The following TNNI3K variants were observed in gnomAD, a reference collection of about 807,000 sequenced individuals.
TNNI3K encodes the protein serine/threonine-protein kinase TNNI3K.
A neutral mutation model predicts 114.5 loss-of-function variants in TNNI3K; 140 were observed. The ratio of observed to expected loss-of-function variants is 1.22; its 90% CI spans 1.07 to 1.41. The LOEUF (loss-of-function observed/expected upper bound fraction) is 1.41, where lower values mean the gene tolerates loss of function less well. Among genes scored for constraint, TNNI3K ranks in the 40% most tolerant of loss-of-function variants. TNNI3K has a pLI of 0.00. For synonymous variants in TNNI3K, 347 were observed against 347.5 expected, an observed-to-expected ratio of 1.00 and a Z score of 0.02; for missense variants, 1,125 against 1,007.6, an observed-to-expected ratio of 1.12 and a Z score of -1.58.
chr1:74,444,489 C>G (rs1345337879), intron 20 of TNNI3K, among the ~76,000 whole-genome samples: 1 of 151,866 alleles, frequency 6.6e-6, no homozygotes, highest in Non-Finnish European at 1.5e-5. Context: ...AGTGAAGGAC[C>G]TCTTCAAGGA....
chr1:74,502,444 T>C (rs1669680510), intron 23 of TNNI3K, among the ~76,000 whole-genome samples: 1 of 152,324 alleles, frequency 6.6e-6, no homozygotes, highest in East Asian at 1.9e-4. Flanking sequence ...CATATAACTA[T>C]TTAGTAGAAA....
At chr1:74,435,944 AT>A in intron 17 of TNNI3K, 135 bp from the exon 18 acceptor site, 1 of 1,126,008 alleles carries the variant, frequency 8.9e-7, no homozygotes, top group South Asian at 2.0e-5. Flanking sequence ...AAAAATTTTG[AT>A]TTAGCCCTTT....
intron 5 of TNNI3K, among the ~76,000 whole-genome samples, chr1:74,301,548 G>C (rs1658332817): frequency 6.6e-6 from 1 of 152,076 alleles, no homozygotes; most frequent in Non-Finnish European, 1.5e-5. Flanking sequence ...CAACTTTATA[G>C]ATTAGTCACA....
intron 2 of TNNI3K, among the ~76,000 whole-genome samples, chr1:74,241,980 G>C (rs1331912750): frequency 6.6e-6 from 1 of 151,554 alleles, no homozygotes; most frequent in East Asian, 1.9e-4. Flanking sequence ...CTCCCAAGTA[G>C]CTGGGACTAC....
intron 5 of TNNI3K, among the ~76,000 whole-genome samples, chr1:74,281,928 TGCA>T (rs1657039456): frequency 6.6e-6 from 1 of 152,164 alleles, no homozygotes; most frequent in Non-Finnish European, 1.5e-5. Context: ...TTTTCCTAAT[TGCA>T]GTGGTTGATA....
chr1:74,429,843 T>C (rs2100651641), intron 17 of TNNI3K, among the ~76,000 whole-genome samples: 1 of 152,222 alleles, frequency 6.6e-6, no homozygotes, highest in South Asian at 2.1e-4. Context: ...TCTTTAATCA[T>C]GTGAGTTAAT....
intron 5 of TNNI3K, among the ~76,000 whole-genome samples, chr1:74,305,302 A>G (rs922261339): frequency 2.6e-5 from 4 of 152,168 alleles, no homozygotes; most frequent in Non-Finnish European, 5.9e-5. Context: ...GACTCATTTG[A>G]AGCTGACTCA....
intron 24 of TNNI3K, among the ~76,000 whole-genome samples, chr1:74,543,399 T>C (rs1646750941): frequency 6.6e-6 from 1 of 152,302 alleles, no homozygotes; most frequent in South Asian, 2.1e-4. Flanking sequence ...CCTTCCTTTT[T>C]ATAGCCATCT....
intron 4 of TNNI3K, among the ~76,000 whole-genome samples, chr1:74,270,082 C>T (rs1355189787): frequency 2.0e-5 from 3 of 151,762 alleles, no homozygotes; most frequent in East Asian, 1.9e-4. Context: ...TGGTGAGGTC[C>T]TTAATGCCTC....
At chr1:74,484,417 T>C (rs1668651726) in intron 21 of TNNI3K, among the ~76,000 whole-genome samples, 1 of 152,174 alleles carries the variant, frequency 6.6e-6, no homozygotes, top group Non-Finnish European at 1.5e-5. Flanking sequence ...CCTGCCCTTG[T>C]GAAGTGTACT....
chr1:74,375,338 G>C, intron 17 of TNNI3K: 1 of 203,226 alleles, frequency 4.9e-6, no homozygotes, highest in South Asian at 7.1e-5. Flanking sequence ...AAATAACTTT[G>C]GGAGGAACTT....
chr1:74,270,225 T>G (rs1170846874), intron 4 of TNNI3K, among the ~76,000 whole-genome samples: 2 of 151,726 alleles, frequency 1.3e-5, no homozygotes, highest in South Asian at 4.1e-4. Context: ...TGAACTCATT[T>G]GAGATTTATG....
intron 6 of TNNI3K, among the ~76,000 whole-genome samples, chr1:74,332,976 A>AAAAAAAAAAAAAAAAAAAAAAAGAG (rs57556485): frequency 1.5e-4 from 14 of 90,752 alleles, no homozygotes; most frequent in East Asian, 7.4e-4. Flanking sequence ...AAAAAAAAAA[A>AAAAAAAAAAAAAAAAAAAAAAAGAG]AGAGAGAGAC....
At chr1:74,250,506 C>T (rs912848059) in intron 3 of TNNI3K, among the ~76,000 whole-genome samples, 166 bp from the exon 4 acceptor site, 1 of 151,976 alleles carries the variant, frequency 6.6e-6, no homozygotes. Flanking sequence ...AAGAAATATC[C>T]CCTAGTAAGT....
At chr1:74,281,425 T>C (rs1657010481) in intron 5 of TNNI3K, among the ~76,000 whole-genome samples, 1 of 151,970 alleles carries the variant, frequency 6.6e-6, no homozygotes, top group South Asian at 2.1e-4. Flanking sequence ...AAGTTAGCTC[T>C]CATTTTTATT....
At chr1:74,534,375 A>G (rs1339692645) in intron 23 of TNNI3K, among the ~76,000 whole-genome samples, 1 of 152,236 alleles carries the variant, frequency 6.6e-6, no homozygotes, top group South Asian at 2.1e-4. Context: ...TTTGGAATGC[A>G]ATTCAGTCAG....
chr1:74,531,372 A>T (rs1360434487), intron 23 of TNNI3K, among the ~76,000 whole-genome samples: 1 of 152,252 alleles, frequency 6.6e-6, no homozygotes, highest in East Asian at 1.9e-4. Flanking sequence ...ATGGCCATTC[A>T]TAAGAGTCTG....
intron 17 of TNNI3K, chr1:74,371,226 T>A (rs567964068): frequency 1.3e-5 from 2 of 152,020 alleles, no homozygotes; most frequent in South Asian, 4.1e-4. Context: ...GTTCTGAAGC[T>A]AGTAAATATT....
At chr1:74,466,224 A>G (rs1385172628) in intron 21 of TNNI3K, among the ~76,000 whole-genome samples, 1 of 152,216 alleles carries the variant, frequency 6.6e-6, no homozygotes, top group Non-Finnish European at 1.5e-5. Flanking sequence ...CAGCGAGACC[A>G]AGAACCCACC....
Sources: allele counts gnomAD v4.1 joint callset (sites outside exome capture counted in the v4.1 genomes callset), GRCh38; gene constraint gnomAD v4.1.1; transcripts MANE v1.5; gene names NCBI Gene and HGNC (gene_info 2026-07-23, HGNC 2026-07-21).